The following PTPRD variants were observed in gnomAD, a reference collection of about 807,000 sequenced individuals.
The protein encoded by PTPRD is receptor-type tyrosine-protein phosphatase delta.
PTPRD carries 34 observed loss-of-function variants against 214.5 expected under a neutral mutation model. The ratio of observed to expected loss-of-function variants is 0.16; its 90% confidence interval spans 0.12 to 0.21. The LOEUF (loss-of-function observed/expected upper bound fraction) is 0.21, where lower values mean the gene tolerates loss of function less well. Among genes scored for constraint, PTPRD ranks in the 10% least tolerant of loss-of-function variants. The pLI is 1.00. For missense variants in PTPRD, 2,545 were observed against 2,398.7 expected, an observed-to-expected ratio of 1.06 and a Z score of -1.27; for synonymous variants, 1,128 against 845.7, an observed-to-expected ratio of 1.33 and a Z score of -5.79.
intron 12 of PTPRD, among the ~76,000 whole-genome samples, chr9:8,712,663 G>T (rs938013258): frequency 6.8e-6 from 1 of 146,298 alleles, no homozygotes; most frequent in Non-Finnish European, 1.5e-5. Context: ...ATATTCTACT[G>T]TATTCAGTCT....
intron 3 of PTPRD, among the ~76,000 whole-genome samples, chr9:10,121,746 A>T (rs2098777124): frequency 6.6e-6 from 1 of 152,114 alleles, no homozygotes; most frequent in Non-Finnish European, 1.5e-5. Context: ...TTAAATATTG[A>T]GTCTCTCTCA....
intron 11 of PTPRD, among the ~76,000 whole-genome samples, chr9:8,814,676 G>C (rs1014104175): frequency 6.6e-6 from 1 of 152,180 alleles, no homozygotes; most frequent in South Asian, 2.1e-4. Flanking sequence ...CTGTGACGTA[G>C]ATTATGCGAT....
intron 9 of PTPRD, among the ~76,000 whole-genome samples, chr9:9,184,728 G>C (rs1221168724): frequency 1.3e-5 from 2 of 152,032 alleles, no homozygotes; most frequent in Admixed American, 6.6e-5. Flanking sequence ...AACTAGTTTT[G>C]TCTTGTTTGA....
intron 2 of PTPRD, among the ~76,000 whole-genome samples, chr9:10,374,202 T>A (rs1040323221): frequency 4.6e-5 from 7 of 152,124 alleles, no homozygotes; most frequent in African/African-American, 1.4e-4. Context: ...TCAAAATGAC[T>A]CTTGAATTAG....
chr9:9,643,252 G>A (rs983501517), intron 7 of PTPRD, among the ~76,000 whole-genome samples: 19 of 152,118 alleles, frequency 1.2e-4, no homozygotes, highest in Admixed American at 9.2e-4. Flanking sequence ...ATCATACAAT[G>A]AGGCTTCTAA....
rs181531412 is a variant in PTPRD, at chr9:10,190,337, G to A, written c.-545+150626C>T. Among the ~76,000 whole-genome samples, 53 of 123,110 alleles carry A rather than the reference G, an allele frequency of 4.3e-4. No individual in the cohort carries two copies. In the Admixed American group the frequency reaches 4.7e-3, roughly 11 times the overall value. 80.8% of individuals were successfully genotyped at this position (123,110 alleles called of 152,430 possible). A position where few individuals can be genotyped will look rare whatever the true frequency, so the allele number is the denominator to read the frequency against. ...TTGAGATCCAAGATCATGCAATCATGACACTGCACTCCAGCACTGCAGCCT... is the reference window on the plus strand; with the variant it reads ...TTGAGATCCAAGATCATGCAATCATAACACTGCACTCCAGCACTGCAGCCT... On this transcript the variant is annotated intron_variant, in intron 3 of 45. Transcript: ENST00000381196.
At chr9:9,900,643 T>TTGGTTTTTTTTTTTTG (rs1555302282) in intron 5 of PTPRD, among the ~76,000 whole-genome samples, 2 of 143,354 alleles carry the variant, frequency 1.4e-5, no homozygotes, top group African/African-American at 5.4e-5. Context: ...ATTTTCAGGT[T>TTGGTTTTTTTTTTTTG]TTTTTTTTTT....
chr9:8,864,797 T>G (rs1408220145), intron 11 of PTPRD, among the ~76,000 whole-genome samples: 1 of 152,234 alleles, frequency 6.6e-6, no homozygotes, highest in African/African-American at 2.4e-5. Context: ...TGGGGGTGTT[T>G]CCTTGTGCAT....
At chr9:9,522,157 CA>C (rs770450649) in intron 8 of PTPRD, among the ~76,000 whole-genome samples, 1,428 of 40,430 alleles carry the variant, frequency 0.035, 9 homozygotes, top group African/African-American at 0.1. Context: ...ATCTCCATCT[CA>C]AAAAAAAAAA....
chr9:9,585,771 T>G (rs114634078), intron 7 of PTPRD, among the ~76,000 whole-genome samples: 2 of 152,010 alleles, frequency 1.3e-5, no homozygotes, highest in African/African-American at 4.8e-5. Flanking sequence ...CAGTTGGCTA[T>G]AGCAAGGGAT....
chr9:9,492,608 C>G (rs1384228386), intron 8 of PTPRD, among the ~76,000 whole-genome samples: 1 of 151,958 alleles, frequency 6.6e-6, no homozygotes, highest in Non-Finnish European at 1.5e-5. Flanking sequence ...ATCATCTTTT[C>G]ATAATAAAAA....
intron 15 of PTPRD, among the ~76,000 whole-genome samples, chr9:8,527,976 G>T (rs1008515204): frequency 6.6e-6 from 1 of 151,966 alleles, no homozygotes; most frequent in South Asian, 2.1e-4. Flanking sequence ...CCTTTTACTG[G>T]TATTTTCTAA....
chr9:10,133,156 T>C (rs1036005995), intron 3 of PTPRD, among the ~76,000 whole-genome samples: 2 of 152,098 alleles, frequency 1.3e-5, no homozygotes, highest in Non-Finnish European at 1.5e-5. Flanking sequence ...GTTGATAACC[T>C]AGAACATGTA....
intron 3 of PTPRD, among the ~76,000 whole-genome samples, chr9:10,132,272 C>A (rs1268557853): frequency 6.6e-6 from 1 of 152,098 alleles, no homozygotes; most frequent in Non-Finnish European, 1.5e-5. Flanking sequence ...TTACATCCCA[C>A]CACTTCATTC....
chr9:10,097,165 G>A (rs1163835225), intron 3 of PTPRD, among the ~76,000 whole-genome samples: 2 of 143,626 alleles, frequency 1.4e-5, no homozygotes, highest in African/African-American at 5.0e-5. Context: ...TTGAAGTCAG[G>A]TAACAGGATG....
intron 5 of PTPRD, among the ~76,000 whole-genome samples, chr9:9,888,504 T>C (rs994590786): frequency 3.3e-5 from 5 of 152,104 alleles, no homozygotes; most frequent in African/African-American, 9.7e-5. Context: ...TGTGAATGGC[T>C]TGGTGCTGTC....
chr9:9,830,849 A>G (rs1278893996), intron 5 of PTPRD, among the ~76,000 whole-genome samples: 1 of 151,846 alleles, frequency 6.6e-6, no homozygotes, highest in Non-Finnish European at 1.5e-5. Flanking sequence ...AATCTATCCA[A>G]TATATTCCTT....
intron 3 of PTPRD, among the ~76,000 whole-genome samples, chr9:10,079,117 A>T (rs2098187276): frequency 6.6e-6 from 1 of 152,068 alleles, no homozygotes; most frequent in Non-Finnish European, 1.5e-5. Context: ...AAGAGACCAA[A>T]TTCTTTTATT....
intron 8 of PTPRD, among the ~76,000 whole-genome samples, chr9:9,459,357 A>G (rs1029538842): frequency 1.3e-5 from 2 of 152,126 alleles, no homozygotes; most frequent in Admixed American, 6.6e-5. Context: ...GGCCAGAGTA[A>G]TCTGGCTAGA....
Sources: gnomAD v4.1 joint callset for allele counts (sites outside exome capture counted in the v4.1 genomes callset) on GRCh38, gnomAD v4.1.1 for gene constraint, MANE v1.5 for transcripts, NCBI Gene and HGNC (gene_info 2026-07-23, HGNC 2026-07-21) for gene names.